The following DUS2 variants were observed in gnomAD, a reference collection of about 807,000 sequenced individuals.
The protein encoded by DUS2 is tRNA-dihydrouridine(20) synthase [NAD(P)+]-like.
In DUS2, 52 loss-of-function variants were observed where a neutral mutation model predicts 71.3. The observed-to-expected ratio is 0.73, with a 90% confidence interval of 0.58 to 0.92. The LOEUF is 0.92. DUS2 is among the 40% of genes least tolerant of loss of function. The pLI is 0.00. For missense variants in DUS2, 558 were observed against 622.6 expected, an observed-to-expected ratio of 0.90 and a Z score of 1.10; for synonymous variants, 204 against 227.8, an observed-to-expected ratio of 0.90 and a Z score of 0.94.
At chr16:68,070,023 C>T (rs1314725970) in intron 10 of DUS2, 111 bp from the exon 11 acceptor site, 12 of 942,166 alleles carry the variant, frequency 1.3e-5, no homozygotes, top group Non-Finnish European at 1.7e-5. Context: ...GGCCACCTGA[C>T]CTTCCTGAGG....
intron 3 of DUS2, among the ~76,000 whole-genome samples, chr16:68,043,401 C>T (rs568405748): frequency 2.0e-5 from 3 of 150,288 alleles, no homozygotes; most frequent in South Asian, 2.1e-4. Flanking sequence ...AGCAAGACTC[C>T]GTCTCAGGGA....
chr16:68,061,006 C>T (rs2033932201), intron 7 of DUS2, 60 bp from the exon 8 acceptor site: 3 of 1,553,278 alleles, frequency 1.9e-6, no homozygotes, highest in Non-Finnish European at 2.7e-6. Context: ...GACCCCATCC[C>T]ATGGAGAGGG....
In DUS2 at chr16:68,058,387, A is replaced by G. The variant is rs1047752787; in HGVS notation, c.369+1963A>G. On this transcript the variant is annotated intron_variant, in intron 7 of 16. Transcript: ENST00000565263. ...CTACAGGTGCCCGCCACCACACCCA[A>G]CTAATTTTTTTTGTATTTTTAGTAG... Among the ~76,000 whole-genome samples the G allele has an allele frequency of 2.0e-5, 3 of 151,866 alleles. No homozygotes were observed. The South Asian group carries it at 6.3e-4, about 32-fold the overall frequency.
intron 8 of DUS2, among the ~76,000 whole-genome samples, chr16:68,065,140 TCTTGA>T (rs2033987734): frequency 2.0e-5 from 3 of 152,214 alleles, no homozygotes; most frequent in Non-Finnish European, 4.4e-5. Flanking sequence ...CTGCGTGACT[TCTTGA>T]TCTTTCTTTG....
chr16:68,037,244 C>T (rs7193935), intron 2 of DUS2, among the ~76,000 whole-genome samples: 28,800 of 149,486 alleles, frequency 0.19, 3,278 homozygotes, highest in African/African-American at 0.31. Context: ...AATAAATATT[C>T]GTTAGATGAA....
intron 7 of DUS2, among the ~76,000 whole-genome samples, chr16:68,059,625 C>G (rs1468937002): frequency 2.0e-5 from 3 of 152,188 alleles, no homozygotes; most frequent in African/African-American, 7.2e-5. Context: ...TTAATGTTCT[C>G]TCTGATTCCA....
At position 68,038,160 on chromosome 16, in the gene DUS2, C is replaced by T. The variant is rs367898219; in HGVS notation, c.126+11C>T. ...ATTGTTTACTGTGAGGTAAGGGGCT[C>T]TGATTTTCTGGGTGGGCTTCTCCAC... On this transcript the variant is annotated intron_variant, in intron 3 of 16. Transcript: ENST00000565263. 2.6e-5 allele frequency: 42 copies of T among 1,612,630 alleles called. No homozygotes were observed. The highest frequency in any genetic ancestry group is 3.3e-5 in the Non-Finnish European group (39 of 1,179,486).
At chr16:68,041,906 TG>T (rs1377207674) in intron 3 of DUS2, among the ~76,000 whole-genome samples, 14 of 152,126 alleles carry the variant, frequency 9.2e-5, no homozygotes, top group African/African-American at 3.4e-4. Flanking sequence ...CTTAACCATT[TG>T]TAAGTGTACT....
At chr16:68,042,745 A>G (rs940089471) in intron 3 of DUS2, among the ~76,000 whole-genome samples, 1 of 151,804 alleles carries the variant, frequency 6.6e-6, no homozygotes, top group Non-Finnish European at 1.5e-5. Context: ...GTCTCGCTCT[A>G]TCGCCCAGAC....
chr16:68,066,572 G>A lies in DUS2; in HGVS notation c.490G>A (p.Asp164Asn). 2.5e-6 allele frequency: 4 copies of A among 1,614,198 alleles called. No individual in the cohort carries two copies. In the South Asian group the frequency reaches 4.4e-5, roughly 18 times the overall value. Residue 164 changes from aspartate (D) to asparagine (N), a missense_variant, in exon 10 of 17, where the codon GAT becomes AAT. By Grantham distance (23) the Asp-to-Asn change is conservative (BLOSUM62 1). Coordinates refer to ENST00000565263, the MANE Select transcript of DUS2 (RefSeq NM_017803.5). ...CKIRILPSLEDTLSLVKRIER... is the reference protein window; with the variant it reads ...CKIRILPSLENTLSLVKRIER... Reference sequence around the variant, plus strand: ...GTGTGGTCCTCCTCCTCAGCTAGAAGATACCCTGAGCCTTGTGAAGCGGAT... The same window carrying A: ...GTGTGGTCCTCCTCCTCAGCTAGAAAATACCCTGAGCCTTGTGAAGCGGAT...
intron 3 of DUS2, among the ~76,000 whole-genome samples, chr16:68,046,732 G>A (rs1000550224): frequency 6.6e-6 from 1 of 150,784 alleles, no homozygotes; most frequent in East Asian, 1.9e-4. Flanking sequence ...CAGAAGTAAC[G>A]TTTTCTCTCT....
At chr16:68,050,679 GTATCTA>G (rs1306680380) in intron 4 of DUS2, among the ~76,000 whole-genome samples, 12 of 152,058 alleles carry the variant, frequency 7.9e-5, no homozygotes, top group East Asian at 1.9e-4. Flanking sequence ...ATCTATATCT[GTATCTA>G]TATCTATATC....
intron 8 of DUS2, among the ~76,000 whole-genome samples, chr16:68,061,823 CACCAATGAGAGCTGCCATCATT>C (rs1382238486): frequency 6.6e-6 from 1 of 152,186 alleles, no homozygotes; most frequent in Non-Finnish European, 1.5e-5. Flanking sequence ...ACTTAGGCAT[CACCAATGAGAGCTGCCATCATT>C]GCCAATGAGA....
intron 3 of DUS2, among the ~76,000 whole-genome samples, chr16:68,040,041 G>T (rs759474129): frequency 6.6e-6 from 1 of 151,906 alleles, no homozygotes; most frequent in Non-Finnish European, 1.5e-5. Flanking sequence ...GGGATTTGGC[G>T]TGATGGGTAA....
At chr16:68,066,157 C>G (rs1430631400) in intron 8 of DUS2, among the ~76,000 whole-genome samples, 160 bp from the exon 9 acceptor site, 1 of 152,190 alleles carries the variant, frequency 6.6e-6, no homozygotes, top group Non-Finnish European at 1.5e-5. Flanking sequence ...CCTCATGGAG[C>G]TTATGTGTGT....
At chr16:68,046,773 G>A (rs948357900) in intron 3 of DUS2, among the ~76,000 whole-genome samples, 14 of 149,786 alleles carry the variant, frequency 9.3e-5, no homozygotes, top group African/African-American at 3.4e-4. Context: ...TTGAGACGAA[G>A]TCTTGCTCTG....
At chr16:68,055,274 A>G (rs1453097080) in intron 6 of DUS2, among the ~76,000 whole-genome samples, 2 of 152,156 alleles carry the variant, frequency 1.3e-5, no homozygotes, top group African/African-American at 2.4e-5. Flanking sequence ...TAACATAGAT[A>G]GGAAGCCTGG....
At chr16:68,044,340 A>G (rs1418459650) in intron 3 of DUS2, among the ~76,000 whole-genome samples, 1 of 151,128 alleles carries the variant, frequency 6.6e-6, no homozygotes, top group African/African-American at 2.4e-5. Flanking sequence ...TCATAACAAT[A>G]TTTAGTATTC....
At chr16:68,023,568 T>C (rs2033293232) in intron 1 of DUS2, 1 of 246,582 alleles carries the variant, frequency 4.1e-6, no homozygotes, top group Non-Finnish European at 8.5e-6. Context: ...TGTCCCGTGC[T>C]GGTATCCGAG....
Sources: gnomAD v4.1 joint callset for allele counts (sites outside exome capture counted in the v4.1 genomes callset) on GRCh38, gnomAD v4.1.1 for gene constraint, MANE v1.5 for transcripts, NCBI Gene and HGNC (gene_info 2026-07-23, HGNC 2026-07-21) for gene names.